NCAPD2: variants seen among roughly 807,000 people sequenced by gnomAD.
NCAPD2 encodes condensin complex subunit 1.
Under a neutral mutation model 164.5 loss-of-function variants are expected in NCAPD2, and 100 were observed. The observed-to-expected ratio is 0.61, with a 90% CI of 0.52 to 0.72. NCAPD2 has a LOEUF of 0.72. Among genes scored for constraint, NCAPD2 ranks in the 30% least tolerant of loss-of-function variants. NCAPD2 has a pLI of 0.00. For synonymous variants in NCAPD2, 585 were observed against 642.6 expected (o/e 0.91, Z 1.36); for missense variants, 1,560 against 1,749.2 (o/e 0.89, Z 1.93).
Position 6,522,036 on chromosome 12 carries a change from A to G in NCAPD2, c.1953A>G (p.Thr651=). 6.2e-7 allele frequency: 1 copy of G among 1,613,636 alleles called. No individual in the cohort carries two copies. The highest frequency in any genetic ancestry group is 8.5e-7 in the Non-Finnish European group (1 of 1,179,596). The change falls in exon 15 of 32, where the codon ACA becomes ACG. Residue 651 remains threonine, a splice_region_variant and synonymous_variant. Coordinates refer to ENST00000315579, the MANE Select transcript of NCAPD2 (RefSeq NM_014865.4). The stretch of plus-strand genomic sequence containing the variant: ...AGATGATGTATGAAAACACAACTAC[A>G]GGTATGCCAGAGTCCCTTTCTATAA... The part of the protein sequence containing the change: ...ISKMMYENTT[T]VVQEVIEFFV...
chr12:6,517,029 A>G lies in NCAPD2; in HGVS notation c.1185+4A>G, dbSNP rs755493259. The G allele has an allele frequency of 2.5e-6, 4 of 1,614,070 alleles. No individual in the cohort carries two copies. The South Asian group carries it at 4.4e-5, about 18-fold the overall frequency. On this transcript the variant is annotated splice_donor_region_variant and intron_variant, in intron 10 of 31. Coordinates refer to ENST00000315579, the MANE Select transcript of NCAPD2 (RefSeq NM_014865.4). ...CACCCGAATTGTCCAGCAGAAGGTA[A>G]CCAACTTCTATGTGGCAAAAACATA... is the stretch of plus-strand genomic sequence containing the variant.
intron 30 of NCAPD2, 36 bp from the exon 31 acceptor site, chr12:6,530,885 C>T (rs1157542291): frequency 3.1e-6 from 5 of 1,613,106 alleles, no homozygotes; most frequent in Non-Finnish European, 4.2e-6. Context: ...TTTGTTTCTT[C>T]TTCTTTTTTA....
intron 2 of NCAPD2, among the ~76,000 whole-genome samples, chr12:6,505,912 T>A (rs916811287): frequency 1.3e-5 from 2 of 152,024 alleles, no homozygotes; most frequent in Non-Finnish European, 2.9e-5. Context: ...TTTCCGTTTC[T>A]CTTGGGCTGT....
chr12:6,509,919 CTG>C, intron 3 of NCAPD2, 127 bp downstream of exon 3: 1 of 1,029,218 alleles, frequency 9.7e-7, no homozygotes, highest in Admixed American at 2.9e-5. Flanking sequence ...GATATCTCTA[CTG>C]ATGAGCATGT....
intron 6 of NCAPD2, among the ~76,000 whole-genome samples, chr12:6,512,619 C>T (rs901623788): frequency 6.6e-6 from 1 of 152,194 alleles, no homozygotes; most frequent in African/African-American, 2.4e-5. Flanking sequence ...TTGGCATTTC[C>T]TCAGAATGAA....
At chr12:6,510,885 A>G in intron 5 of NCAPD2, 75 bp downstream of exon 5, 1 of 1,501,618 alleles carries the variant, frequency 6.7e-7, no homozygotes, top group Non-Finnish European at 9.1e-7. Context: ...AAGGGAATCC[A>G]ATGATCCACA....
rs1296467038 is a variant in NCAPD2 at position 6,526,362 on chromosome 12, G to A, written c.2557G>A (p.Val853Ile). 6.2e-7 allele frequency: 1 copy of A among 1,614,068 alleles called. No individual in the cohort carries two copies. The highest frequency in any genetic ancestry group is 1.3e-5 in the African/African-American group (1 of 74,926). Residue 853 changes from valine (V) to isoleucine (I), a missense_variant, in exon 20 of 32, where the codon GTC becomes ATC. Transcript: ENST00000315579. ...HRLFERLRET[V>I]TKGFVHPDPL... ...GTTGTTTGAGCGACTGCGGGAGACA[G>A]TCACAAAAGGTGAGCTCTCAGGGAA...
In NCAPD2 at chr12:6,521,862, G is replaced by A. The variant is rs767114968; in HGVS notation, c.1779G>A (p.Gln593=). The change falls in exon 15 of 32, where the codon CAG becomes CAA. Residue 593 remains glutamine (Q), a synonymous_variant. Coordinates refer to ENST00000315579, the MANE Select transcript of NCAPD2 (RefSeq NM_014865.4). ...RESTGNMVTG[Q]TVCKNKPNMS... is the part of the protein sequence containing the mutation. ...CTACAGGAAACATGGTCACAGGACA[G>A]ACTGTCTGTAAAAATAAACCCAATA... 1 of 1,614,160 alleles carries A rather than the reference G, an allele frequency of 6.2e-7. No individual in the cohort carries two copies. Among genetic ancestry groups the A allele is most frequent in the South Asian group, 1.1e-5 (1 of 91,080 alleles).
Position 6,522,401 on chromosome 12 carries a change from A to G in NCAPD2, c.1954+364A>G, listed in dbSNP as rs60101958. 3.4e-3 allele frequency among the ~76,000 whole-genome samples: 524 copies of G among 152,118 alleles called. 4 individuals carry two copies. The highest frequency in any genetic ancestry group is 0.012 in the African/African-American group (485 of 41,522). On this transcript the variant is annotated intron_variant, in intron 15 of 31. Coordinates refer to ENST00000315579, the MANE Select transcript of NCAPD2 (RefSeq NM_014865.4). Reference sequence around the variant, plus strand: ...CAGGAGTTCGAGAGCAGCCTGGGCAACATAGCAAGACCCCATCTCTACAAA... The same window carrying G: ...CAGGAGTTCGAGAGCAGCCTGGGCAGCATAGCAAGACCCCATCTCTACAAA...
intron 1 of NCAPD2, among the ~76,000 whole-genome samples, chr12:6,494,451 C>G (rs564157895): frequency 2.0e-5 from 3 of 152,310 alleles, no homozygotes; most frequent in African/African-American, 7.2e-5. Flanking sequence ...TATTATGCAC[C>G]TCATGGGATT....
intron 13 of NCAPD2, among the ~76,000 whole-genome samples, chr12:6,518,525 T>TTTTTG (rs1946232593): frequency 8.2e-6 from 1 of 122,014 alleles, no homozygotes; most frequent in African/African-American, 3.3e-5. Context: ...TTTTTTTTTT[T>TTTTTG]TTTTTTTTTG....
intron 2 of NCAPD2, among the ~76,000 whole-genome samples, chr12:6,503,455 G>A (rs1946057824): frequency 6.6e-6 from 1 of 152,124 alleles, no homozygotes; most frequent in East Asian, 1.9e-4. Context: ...ACTCCCCAGA[G>A]CCCTTTTTAT....
rs144221350 is a variant in NCAPD2 at position 6,495,106 on chromosome 12, C to A, written c.8C>A (p.Pro3His). The stretch of plus-strand genomic sequence containing the variant: ...TGAGCCTGTAGGAGTAGAATGGCTC[C>A]CCAAATGTATGAGTTCCATCTGCCA... MA[P>H]QMYEFHLPLS... Residue 3 changes from proline to histidine, a missense_variant, in exon 2 of 32, where the codon CCC becomes CAC. Coordinates refer to ENST00000315579, the MANE Select transcript of NCAPD2 (RefSeq NM_014865.4). 322 of 1,614,094 alleles carry A rather than the reference C, an allele frequency of 2.0e-4. No homozygotes were observed. In the African/African-American group the frequency reaches 3.7e-3, roughly 19 times the overall value.
rs376341222 is a variant in NCAPD2 at position 6,514,933 on chromosome 12, C to G, written c.987+13C>G. ...CCTGGATGGAGAAGTAGGTGGTCCA[C>G]TAGGGGTCACTGAGCTTTTTCTGGG... On this transcript the variant is annotated intron_variant, in intron 9 of 31. Transcript: ENST00000315579. 1.2e-5 allele frequency: 19 copies of G among 1,613,764 alleles called. No homozygotes were observed. Among genetic ancestry groups the G allele is most frequent in the Non-Finnish European group, 1.4e-5 (17 of 1,179,878 alleles).
At chr12:6,516,316 A>G (rs1251548550) in intron 9 of NCAPD2, among the ~76,000 whole-genome samples, 1 of 142,996 alleles carries the variant, frequency 7.0e-6, no homozygotes, top group Non-Finnish European at 1.6e-5. Flanking sequence ...AGCCTGGCCA[A>G]TATGGTGAAA....
At chr12:6,518,514 T>TG in intron 13 of NCAPD2, among the ~76,000 whole-genome samples, 1 of 107,096 alleles carries the variant, frequency 9.3e-6, no homozygotes, top group African/African-American at 4.0e-5. Context: ...GTTTTTTTTT[T>TG]TTTTTTTTTT....
chr12:6,514,698 C>T (rs1160782828), intron 8 of NCAPD2, 75 bp from the exon 9 acceptor site: 9 of 1,605,102 alleles, frequency 5.6e-6, no homozygotes, highest in Non-Finnish European at 7.7e-6. Flanking sequence ...ATATTAGATA[C>T]CTGTCTTACC....
At chr12:6,515,567 C>T (rs73044250) in intron 9 of NCAPD2, among the ~76,000 whole-genome samples, 1,735 of 152,316 alleles carry the variant, frequency 0.011, 12 homozygotes, top group Middle Eastern at 0.031. Flanking sequence ...AAACAATGAA[C>T]TTTCTCAAAT....
At position 6,531,479 on chromosome 12, in the gene NCAPD2, C is replaced by G; in HGVS notation, c.*67C>G. On this transcript the variant is annotated 3_prime_UTR_variant, in exon 32 of 32. Coordinates refer to ENST00000315579, the MANE Select transcript of NCAPD2 (RefSeq NM_014865.4). This position sits in a 1 kb window ranked among gnomAD's most constrained non-coding sequence, Gnocchi z 4.1. ...GTGACCTGGAATTCGAATTCTGTTT[C>G]CCTTGTAAAATATTTGTCTGTCTCT... 1 of 1,586,244 alleles carries G rather than the reference C, an allele frequency of 6.3e-7. No homozygotes were observed. Among genetic ancestry groups the G allele is most frequent in the Non-Finnish European group, 8.6e-7 (1 of 1,167,550 alleles).
Sources: gnomAD v4.1 joint callset for allele counts (sites outside exome capture counted in the v4.1 genomes callset) on GRCh38, gnomAD v4.1.1 for gene constraint, Gnocchi (gnomAD v3.1) non-coding constraint, MANE v1.5 for transcripts, NCBI Gene and HGNC (gene_info 2026-07-23, HGNC 2026-07-21) for gene names.